ZNF804B: variants seen among roughly 807,000 people sequenced by gnomAD.
The protein encoded by ZNF804B is zinc finger 804B.
ZNF804B carries 80 observed loss-of-function variants against 101.4 expected under a neutral mutation model. The ratio of observed to expected loss-of-function variants is 0.79; its 90% CI spans 0.66 to 0.95. The LOEUF is 0.95. Among genes scored for constraint, ZNF804B ranks in the 40% least tolerant of loss-of-function variants. The pLI is 0.00. For missense variants in ZNF804B, 1,673 were observed against 1,561.9 expected (o/e 1.07, Z -1.20); for synonymous variants, 622 against 558.8 (o/e 1.11, Z -1.59).
At chr7:88,782,852 C>T (rs1163085553) in intron 1 of ZNF804B, among the ~76,000 whole-genome samples, 3 of 151,954 alleles carry the variant, frequency 2.0e-5, no homozygotes, top group African/African-American at 7.3e-5. Context: ...AGTGGTCTTC[C>T]TAAGAATCAT....
intron 1 of ZNF804B, among the ~76,000 whole-genome samples, chr7:88,947,228 C>T (rs891143170): frequency 6.6e-6 from 1 of 151,932 alleles, no homozygotes; most frequent in African/African-American, 2.4e-5. Context: ...TTGTTTATTG[C>T]AGCACTGTTC....
chr7:88,914,220 C>A (rs1379976213), intron 1 of ZNF804B, among the ~76,000 whole-genome samples: 2 of 152,158 alleles, frequency 1.3e-5, no homozygotes, highest in Non-Finnish European at 1.5e-5. Flanking sequence ...GGAAATGAAT[C>A]TTCTCATGGA....
At position 89,334,908 on chromosome 7, in the gene ZNF804B, C is replaced by G; in HGVS notation, c.1926C>G (p.Cys642Trp). The G allele has an allele frequency of 6.2e-7, 1 of 1,613,836 alleles. No individual in the cohort carries two copies. Among genetic ancestry groups the G allele is most frequent in the South Asian group, 1.1e-5 (1 of 91,080 alleles). Residue 642 changes from cysteine to tryptophan, a missense_variant, in exon 4 of 4, where the codon TGC becomes TGG. Cys to Trp is a radical substitution (Grantham distance 215, BLOSUM62 -2). Coordinates refer to ENST00000333190, the MANE Select transcript of ZNF804B (RefSeq NM_181646.5). ...SRFKKHKLIPCSPHLEFEDER... is the reference protein window; with the variant it reads ...SRFKKHKLIPWSPHLEFEDER... ...TTAAAAAGCATAAATTGATTCCCTG[C>G]AGTCCTCATTTGGAATTTGAAGATG... is the stretch of plus-strand genomic sequence containing the variant.
At chr7:89,037,939 G>A (rs1322176215) in intron 1 of ZNF804B, among the ~76,000 whole-genome samples, 1 of 152,064 alleles carries the variant, frequency 6.6e-6, no homozygotes, top group African/African-American at 2.4e-5. Flanking sequence ...ATTTCACTTA[G>A]CATAATGTCT....
intron 1 of ZNF804B, among the ~76,000 whole-genome samples, chr7:89,172,526 G>A (rs2116436590): frequency 6.6e-6 from 1 of 152,208 alleles, no homozygotes; most frequent in East Asian, 1.9e-4. Flanking sequence ...CTTGTCAAGT[G>A]TTTTACTAAC....
intron 1 of ZNF804B, among the ~76,000 whole-genome samples, chr7:88,896,675 C>T (rs927079832): frequency 6.6e-6 from 1 of 152,106 alleles, no homozygotes; most frequent in Non-Finnish European, 1.5e-5. Context: ...AGAGAGGTTT[C>T]TCTGGGAGGT....
intron 1 of ZNF804B, among the ~76,000 whole-genome samples, chr7:89,144,431 G>T (rs1298209264): frequency 6.6e-6 from 1 of 151,886 alleles, no homozygotes; most frequent in African/African-American, 2.4e-5. Context: ...ATTTTAAGAA[G>T]ACTATTAGCC....
intron 1 of ZNF804B, among the ~76,000 whole-genome samples, chr7:89,045,442 C>T (rs1390556941): frequency 1.3e-5 from 2 of 152,174 alleles, no homozygotes; most frequent in Admixed American, 1.3e-4. Flanking sequence ...CCACTGACAG[C>T]TTGCACCATG....
intron 1 of ZNF804B, chr7:88,794,971 T>C (rs368075955): frequency 4.6e-6 from 7 of 1,522,640 alleles, no homozygotes; most frequent in Non-Finnish European, 6.1e-6. Flanking sequence ...TTCCAGATGA[T>C]TCCAGCTTTT....
intron 2 of ZNF804B, among the ~76,000 whole-genome samples, chr7:89,322,773 A>G (rs1790839826): frequency 6.6e-6 from 1 of 152,228 alleles, no homozygotes; most frequent in Non-Finnish European, 1.5e-5. Flanking sequence ...AACTGAATTC[A>G]TGATTTAACA....
chr7:89,310,416 G>A (rs868366979), intron 2 of ZNF804B, among the ~76,000 whole-genome samples: 1 of 152,062 alleles, frequency 6.6e-6, no homozygotes, highest in Admixed American at 6.6e-5. Context: ...TATATAAGAT[G>A]AACATGATCT....
At chr7:89,239,671 A>G (rs1281708426) in intron 2 of ZNF804B, among the ~76,000 whole-genome samples, 8 of 152,076 alleles carry the variant, frequency 5.3e-5, no homozygotes, top group African/African-American at 1.9e-4. Context: ...CCATTTATCT[A>G]TGAGGGTTCC....
chr7:89,005,534 A>G (rs1308807175), intron 1 of ZNF804B, among the ~76,000 whole-genome samples: 1 of 152,142 alleles, frequency 6.6e-6, no homozygotes, highest in Non-Finnish European at 1.5e-5. Flanking sequence ...TGAGATAATA[A>G]AATTATTCAT....
At chr7:89,284,517 G>A (rs1790151768) in intron 2 of ZNF804B, among the ~76,000 whole-genome samples, 1 of 152,170 alleles carries the variant, frequency 6.6e-6, no homozygotes, top group Non-Finnish European at 1.5e-5. Context: ...AATGAACACA[G>A]CATAAGGACC....
At chr7:89,016,695 A>T (rs1232249588) in intron 1 of ZNF804B, among the ~76,000 whole-genome samples, 1 of 151,986 alleles carries the variant, frequency 6.6e-6, no homozygotes, top group African/African-American at 2.4e-5. Context: ...CCATTGATTT[A>T]TATGTCTGTT....
Position 89,332,956 on chromosome 7 carries a change from T to A in ZNF804B, c.381-407T>A, listed in dbSNP as rs561049114. Among the ~76,000 whole-genome samples, 10 of 151,918 alleles carry A rather than the reference T, an allele frequency of 6.6e-5. No homozygotes were observed. In the South Asian group the frequency reaches 8.3e-4, roughly 13 times the overall value. On this transcript the variant is annotated intron_variant, in intron 3 of 3. Transcript: ENST00000333190. ...GCACATAAAAGCAAATTTAAAAAAATTTTTATATTTTTAAAGTGGCTTTTA... is the reference window on the plus strand; with the variant it reads ...GCACATAAAAGCAAATTTAAAAAAAATTTTATATTTTTAAAGTGGCTTTTA...
intron 1 of ZNF804B, among the ~76,000 whole-genome samples, chr7:88,970,341 G>T (rs1793513816): frequency 1.9e-5 from 1 of 51,366 alleles, no homozygotes; most frequent in African/African-American, 1.3e-4. Context: ...TATTTATTCT[G>T]ATGCCCCCCC....
intron 1 of ZNF804B, among the ~76,000 whole-genome samples, chr7:88,852,131 A>G (rs895537021): frequency 6.6e-6 from 1 of 152,096 alleles, no homozygotes; most frequent in Non-Finnish European, 1.5e-5. Flanking sequence ...CAAAAGTTAA[A>G]AACACAATTC....
intron 1 of ZNF804B, among the ~76,000 whole-genome samples, chr7:88,795,349 C>T (rs1437186273): frequency 6.7e-6 from 1 of 149,934 alleles, no homozygotes; most frequent in Non-Finnish European, 1.5e-5. Flanking sequence ...TGATCTATAA[C>T]TTTTAAAAAA....
Sources: gnomAD v4.1 joint callset for allele counts (sites outside exome capture counted in the v4.1 genomes callset) on GRCh38, gnomAD v4.1.1 for gene constraint, MANE v1.5 for transcripts, NCBI Gene and HGNC (gene_info 2026-07-23, HGNC 2026-07-21) for gene names.